SNX14: variants seen among roughly 807,000 people sequenced by gnomAD.
SNX14 encodes the protein sorting nexin-14.
In SNX14, 93 loss-of-function variants were observed where a neutral mutation model predicts 133.8. The ratio of observed to expected loss-of-function variants is 0.70; its 90% CI spans 0.59 to 0.83. The LOEUF (loss-of-function observed/expected upper bound fraction) is 0.83, where lower values mean the gene tolerates loss of function less well. Among genes scored for constraint, SNX14 ranks in the 40% least tolerant of loss-of-function variants. The pLI, the probability that SNX14 is intolerant of heterozygous loss-of-function variation, is 0.00. For missense variants in SNX14, 945 were observed against 1,094.9 expected (o/e 0.86, Z 1.93); for synonymous variants, 368 against 365.6 (o/e 1.01, Z -0.07).
In SNX14 at chr6:85,505,891, T is replaced by A. The variant is rs1353124091; in HGVS notation, c.*76A>T. ...GATGTACATAATATATATAAGAATA[T>A]ACCCAAAAAAGTAAATTTCTACCAC... On this transcript the variant is annotated 3_prime_UTR_variant, in exon 29 of 29. Transcript: ENST00000314673. The A allele has an allele frequency of 3.1e-6, 3 of 961,368 alleles. No individual in the cohort carries two copies. In the African/African-American group the frequency reaches 4.9e-5, roughly 16 times the overall value. The allele number at this position is 961,368 out of a possible 1,614,324, so 59.6% of individuals were successfully genotyped here. A position where few individuals can be genotyped will look rare whatever the true frequency, so the allele number is the denominator to read the frequency against.
chr6:85,547,273 A>G (rs556353074), intron 11 of SNX14, 44 bp downstream of exon 11: 1 of 1,610,590 alleles, frequency 6.2e-7, no homozygotes, highest in African/African-American at 1.3e-5. Context: ...AATGAGTTCT[A>G]AAATTGTTTA....
At chr6:85,530,473 C>T (rs998982984) in intron 18 of SNX14, among the ~76,000 whole-genome samples, 198 bp from the exon 19 acceptor site, 10 of 151,948 alleles carry the variant, frequency 6.6e-5, no homozygotes, top group African/African-American at 2.2e-4. Flanking sequence ...GGTGAAATCC[C>T]GCTTCTACTA....
intron 1 of SNX14, among the ~76,000 whole-genome samples, chr6:85,588,314 C>A (rs1801626328): frequency 6.6e-6 from 1 of 151,930 alleles, no homozygotes; most frequent in African/African-American, 2.4e-5. Context: ...TGGCTCACGC[C>A]TGTAATCCCA....
chr6:85,529,264 C>CAAGGAAATGAAGGAAGGAAGGAAAT (rs1301933506), intron 19 of SNX14, among the ~76,000 whole-genome samples: 1 of 143,826 alleles, frequency 7.0e-6, no homozygotes, highest in Non-Finnish European at 1.5e-5. Context: ...AAGAGGGAAA[C>CAAGGAAATGAAGGAAGGAAGGAAAT]AAGGAAATGA....
At chr6:85,535,856 T>C (rs921916985) in intron 17 of SNX14, among the ~76,000 whole-genome samples, 2 of 152,090 alleles carry the variant, frequency 1.3e-5, no homozygotes. Flanking sequence ...CAATCAGTAC[T>C]AAACACCCCT....
chr6:85,560,276 CA>C (rs1791103446), intron 6 of SNX14, among the ~76,000 whole-genome samples: 2 of 152,116 alleles, frequency 1.3e-5, no homozygotes, highest in African/African-American at 2.4e-5. Flanking sequence ...GTAGTACATT[CA>C]CACAATGGAA....
intron 18 of SNX14, among the ~76,000 whole-genome samples, chr6:85,531,175 T>C (rs1248938494): frequency 6.6e-6 from 1 of 152,180 alleles, no homozygotes; most frequent in Non-Finnish European, 1.5e-5. Context: ...CAGCACATAG[T>C]AATGGTTTAA....
chr6:85,553,734 C>G (rs1178464528), intron 7 of SNX14, among the ~76,000 whole-genome samples: 1 of 150,108 alleles, frequency 6.7e-6, no homozygotes, highest in African/African-American at 2.5e-5. Flanking sequence ...TGCAGTGAGC[C>G]GAAATCGCGC....
intron 21 of SNX14, among the ~76,000 whole-genome samples, chr6:85,524,335 G>A (rs1351977879): frequency 6.6e-6 from 1 of 152,228 alleles, no homozygotes. Flanking sequence ...AGAGATAAAG[G>A]AGGATTGTGT....
At chr6:85,507,164 T>A in intron 28 of SNX14, 69 bp downstream of exon 28, 2 of 1,326,234 alleles carry the variant, frequency 1.5e-6, no homozygotes, top group Admixed American at 1.8e-5. Context: ...TACATTTATG[T>A]CCCTAATTAA....
intron 1 of SNX14, among the ~76,000 whole-genome samples, chr6:85,591,476 A>G (rs1802736976): frequency 6.6e-6 from 1 of 152,228 alleles, no homozygotes; most frequent in Non-Finnish European, 1.5e-5. Flanking sequence ...CCACTCAGGT[A>G]ACATTTACCT....
intron 6 of SNX14, among the ~76,000 whole-genome samples, chr6:85,563,868 C>T (rs1792760386): frequency 6.6e-6 from 1 of 151,994 alleles, no homozygotes; most frequent in African/African-American, 2.4e-5. Context: ...GTGTGCTGCA[C>T]CCGTTAACTA....
At chr6:85,586,227 C>T (rs1800811857) in intron 1 of SNX14, among the ~76,000 whole-genome samples, 1 of 152,096 alleles carries the variant, frequency 6.6e-6, no homozygotes, top group Non-Finnish European at 1.5e-5. Flanking sequence ...AAAAGTATAC[C>T]TGTTTTTGTA....
At chr6:85,566,037 TTCTTGGCAGAA>T (rs1793703454) in intron 5 of SNX14, among the ~76,000 whole-genome samples, 1 of 152,208 alleles carries the variant, frequency 6.6e-6, no homozygotes, top group Non-Finnish European at 1.5e-5. Context: ...GTTGTTAACT[TTCTTGGCAGAA>T]TAGGAAAGAT....
intron 27 of SNX14, among the ~76,000 whole-genome samples, chr6:85,507,665 CT>C (rs1257089977): frequency 6.6e-6 from 1 of 151,994 alleles, no homozygotes; most frequent in Non-Finnish European, 1.5e-5. Flanking sequence ...ACTGGTTATT[CT>C]ATGTGACTTG....
chr6:85,543,066 T>C, intron 14 of SNX14, 116 bp downstream of exon 14: 3 of 1,067,610 alleles, frequency 2.8e-6, no homozygotes, highest in Non-Finnish European at 3.8e-6. Context: ...CTGTGCCCAG[T>C]AATCTTGTCT....
intron 28 of SNX14, among the ~76,000 whole-genome samples, chr6:85,506,231 CTGT>C (rs1770608197): frequency 6.6e-6 from 1 of 152,124 alleles, no homozygotes; most frequent in South Asian, 2.1e-4. Flanking sequence ...TAAAGGTTTC[CTGT>C]TGTTGATTCC....
intron 18 of SNX14, among the ~76,000 whole-genome samples, chr6:85,532,218 G>C (rs1229233117): frequency 1.3e-5 from 2 of 152,138 alleles, no homozygotes; most frequent in East Asian, 3.8e-4. Context: ...AACTAAGTTT[G>C]ATATGGAAAT....
intron 26 of SNX14, among the ~76,000 whole-genome samples, chr6:85,511,605 G>A (rs1772848844): frequency 6.6e-6 from 1 of 152,190 alleles, no homozygotes; most frequent in South Asian, 2.1e-4. Flanking sequence ...GAGATCATAA[G>A]TGGGTGTTAG....
Sources: allele counts gnomAD v4.1 joint callset (sites outside exome capture counted in the v4.1 genomes callset), GRCh38; gene constraint gnomAD v4.1.1; transcripts MANE v1.5; gene names NCBI Gene and HGNC (gene_info 2026-07-23, HGNC 2026-07-21).